The following CHCHD3 variants were observed in gnomAD, a reference collection of about 807,000 sequenced individuals.
CHCHD3 encodes MICOS complex subunit MIC19.
In CHCHD3, 20 loss-of-function variants were observed where a neutral mutation model predicts 38.2. The observed-to-expected ratio is 0.52, with a 90% CI of 0.37 to 0.76. The LOEUF is 0.76. Among genes scored for constraint, CHCHD3 ranks in the 30% least tolerant of loss-of-function variants. CHCHD3 has a pLI of 0.00. For synonymous variants in CHCHD3, 82 were observed against 100.0 expected (o/e 0.82, Z 1.07); for missense variants, 245 against 279.2 (o/e 0.88, Z 0.87).
At chr7:132,949,496 A>C (rs1810986976) in intron 4 of CHCHD3, among the ~76,000 whole-genome samples, 2 of 152,200 alleles carry the variant, frequency 1.3e-5, no homozygotes, top group African/African-American at 4.8e-5. Flanking sequence ...TATTTGCCTA[A>C]GTAGCATAAC....
intron 1 of CHCHD3, among the ~76,000 whole-genome samples, chr7:133,075,255 A>G (rs780368605): frequency 6.6e-6 from 1 of 152,212 alleles, no homozygotes; most frequent in Non-Finnish European, 1.5e-5. Flanking sequence ...GTTATAGTTC[A>G]GTAAACTTGT....
At chr7:132,905,103 T>TG (rs555516490) in intron 4 of CHCHD3, among the ~76,000 whole-genome samples, 1 of 37,984 alleles carries the variant, frequency 2.6e-5, no homozygotes, top group Admixed American at 2.9e-4. Context: ...TGTCGTGGGG[T>TG]GGGGGGCAGG....
chr7:132,813,423 A>C (rs1187124802), intron 6 of CHCHD3: 1 of 152,196 alleles, frequency 6.6e-6, no homozygotes, highest in East Asian at 1.9e-4. Flanking sequence ...TCTACTTCTT[A>C]CTTGCAGTGG....
chr7:132,959,420 T>C (rs1757704837), intron 4 of CHCHD3, among the ~76,000 whole-genome samples: 1 of 152,088 alleles, frequency 6.6e-6, no homozygotes. Context: ...ATAGCAGACA[T>C]TAATAGAAAT....
At chr7:132,831,997 T>C (rs909102046) in intron 6 of CHCHD3, among the ~76,000 whole-genome samples, 3 of 152,068 alleles carry the variant, frequency 2.0e-5, no homozygotes, top group African/African-American at 7.2e-5. Context: ...ATCCGTAATA[T>C]AGCTATTAAA....
At chr7:132,879,155 G>T (rs1808985276) in intron 5 of CHCHD3, among the ~76,000 whole-genome samples, 1 of 152,122 alleles carries the variant, frequency 6.6e-6, no homozygotes, top group African/African-American at 2.4e-5. Context: ...AATAAAATTA[G>T]TCTTCCATTT....
intron 6 of CHCHD3, among the ~76,000 whole-genome samples, chr7:132,835,292 A>G (rs1807751674): frequency 6.6e-6 from 1 of 152,110 alleles, no homozygotes; most frequent in Non-Finnish European, 1.5e-5. Context: ...GAGAATAACA[A>G]TTTCTATCAC....
chr7:132,859,540 A>G (rs1405451073), intron 5 of CHCHD3, among the ~76,000 whole-genome samples: 1 of 152,226 alleles, frequency 6.6e-6, no homozygotes, highest in East Asian at 1.9e-4. Flanking sequence ...TAAACTATAT[A>G]TTACAAGATC....
chr7:133,031,710 T>C (rs1474414661), intron 2 of CHCHD3, among the ~76,000 whole-genome samples: 2 of 152,172 alleles, frequency 1.3e-5, no homozygotes, highest in African/African-American at 4.8e-5. Context: ...ATTATTTTCA[T>C]GTGCTAGTTT....
At chr7:132,803,155 T>C (rs927538095) in intron 6 of CHCHD3, among the ~76,000 whole-genome samples, 1 of 152,162 alleles carries the variant, frequency 6.6e-6, no homozygotes, top group African/African-American at 2.4e-5. Flanking sequence ...CCCATAGAAG[T>C]AGCCCTTGGT....
chr7:132,802,668 T>TA (rs1028788793), intron 6 of CHCHD3, among the ~76,000 whole-genome samples: 1 of 152,146 alleles, frequency 6.6e-6, no homozygotes, highest in Non-Finnish European at 1.5e-5. Context: ...TACATATCGC[T>TA]AAAAAGGGAG....
At chr7:132,851,940 C>T (rs1464874537) in intron 5 of CHCHD3, among the ~76,000 whole-genome samples, 3 of 152,156 alleles carry the variant, frequency 2.0e-5, no homozygotes, top group African/African-American at 4.8e-5. Context: ...ATAAAACTAA[C>T]AAACTCTCTT....
At chr7:132,887,111 G>A in intron 4 of CHCHD3, 1 of 452,512 alleles carries the variant, frequency 2.2e-6, no homozygotes, top group Non-Finnish European at 3.6e-6. Flanking sequence ...GAAGGTAATG[G>A]AGAAAAAATA....
intron 3 of CHCHD3, among the ~76,000 whole-genome samples, chr7:133,014,329 C>CAAAAAAA (rs35895641): frequency 8.2e-6 from 1 of 121,466 alleles, no homozygotes; most frequent in Non-Finnish European, 1.8e-5. Context: ...GGGGATAACT[C>CAAAAAAA]AAAAAAAAAA....
At position 132,975,844 on chromosome 7, in the gene CHCHD3, C is replaced by G. The variant is rs138559291; in HGVS notation, c.252-558G>C. ...TACCTGGGAGGCTGAGGCAGGAGAA[C>G]TGCTTGAGCCTGGGAGGTAGAGGAC... On this transcript the variant is annotated intron_variant, in intron 3 of 7. Coordinates refer to ENST00000262570, the MANE Select transcript of CHCHD3 (RefSeq NM_017812.4). 3.8e-3 allele frequency among the ~76,000 whole-genome samples: 571 copies of G among 151,438 alleles called. 3 individuals carry two copies. The highest frequency in any genetic ancestry group is 0.013 in the African/African-American group (547 of 41,238).
chr7:132,963,496 GTAA>G (rs1585679412), intron 4 of CHCHD3, among the ~76,000 whole-genome samples: 3 of 151,694 alleles, frequency 2.0e-5, no homozygotes, highest in East Asian at 1.9e-4. Context: ...GCCAGGCATG[GTAA>G]TGGGCGCCTG....
At chr7:132,886,837 G>T in intron 4 of CHCHD3, 2 of 431,732 alleles carry the variant, frequency 4.6e-6, no homozygotes, top group Non-Finnish European at 7.7e-6. Context: ...TCCCATCCTT[G>T]TGCTATTTCA....
At chr7:133,036,830 T>C (rs1813691975) in intron 2 of CHCHD3, among the ~76,000 whole-genome samples, 1 of 152,220 alleles carries the variant, frequency 6.6e-6, no homozygotes, top group African/African-American at 2.4e-5. Context: ...CTGTATAACA[T>C]TTCATTGAGC....
rs73724110 is a variant in CHCHD3 at position 132,819,589 on chromosome 7, C to T, written c.524+18810G>A. 8.7e-3 allele frequency among the ~76,000 whole-genome samples: 1,323 copies of T among 152,262 alleles called. 27 individuals carry two copies. Among genetic ancestry groups the T allele is most frequent in the African/African-American group, 0.03 (1,262 of 41,546 alleles). On this transcript the variant is annotated intron_variant, in intron 6 of 7. Coordinates refer to ENST00000262570, the MANE Select transcript of CHCHD3 (RefSeq NM_017812.4). ...AAGCTGGCTCAGATACAGCTTGTAC[C>T]TTAAACGGTTCACACTTGAGAAGGG...
Sources: allele counts gnomAD v4.1 joint callset (sites outside exome capture counted in the v4.1 genomes callset), GRCh38; gene constraint gnomAD v4.1.1; transcripts MANE v1.5; gene names NCBI Gene and HGNC (gene_info 2026-07-23, HGNC 2026-07-21).